SOX5: variants seen among roughly 807,000 people sequenced by gnomAD.
SOX5 encodes transcription factor SOX-5.
A neutral mutation model predicts 92.0 loss-of-function variants in SOX5; 9 were observed. The ratio of observed to expected loss-of-function variants is 0.10; its 90% CI spans 0.06 to 0.17. The LOEUF (loss-of-function observed/expected upper bound fraction) is 0.17. Ranked by LOEUF, SOX5 falls within the 10% of genes least tolerant of loss-of-function variation. SOX5 has a pLI of 1.00. For synonymous variants in SOX5, 344 were observed against 336.3 expected, an observed-to-expected ratio of 1.02 and a Z score of -0.25; for missense variants, 642 against 944.5, an observed-to-expected ratio of 0.68 and a Z score of 4.20.
At chr12:24,523,686 A>T (rs1157631560) in intron 1 of SOX5, among the ~76,000 whole-genome samples, 1 of 152,220 alleles carries the variant, frequency 6.6e-6, no homozygotes, top group Non-Finnish European at 1.5e-5. Flanking sequence ...CTGGATATTC[A>T]TAGGCAAAAG....
At chr12:24,246,908 A>G (rs779346682) in intron 3 of SOX5, among the ~76,000 whole-genome samples, 5 of 152,186 alleles carry the variant, frequency 3.3e-5, no homozygotes, top group Admixed American at 6.5e-5. Flanking sequence ...TTTATGAAAC[A>G]GTCATACAAA....
intron 1 of SOX5, among the ~76,000 whole-genome samples, chr12:24,401,763 G>C (rs1266922722): frequency 1.5e-5 from 2 of 131,044 alleles, no homozygotes; most frequent in East Asian, 4.6e-4. Flanking sequence ...TTCACTTAAA[G>C]TACTTACATA....
At chr12:23,625,270 C>T (rs1023307709) in intron 8 of SOX5, among the ~76,000 whole-genome samples, 2 of 152,172 alleles carry the variant, frequency 1.3e-5, no homozygotes, top group African/African-American at 2.4e-5. Flanking sequence ...ACACTTCCTT[C>T]CCAATCTCTG....
chr12:24,557,136 A>G (rs1187573911), intron 1 of SOX5, among the ~76,000 whole-genome samples: 1 of 152,124 alleles, frequency 6.6e-6, no homozygotes. Context: ...CACGCTTGTA[A>G]TCCCAGCACT....
intron 2 of SOX5, among the ~76,000 whole-genome samples, chr12:23,864,307 T>C (rs1427757762): frequency 6.6e-6 from 1 of 152,102 alleles, no homozygotes; most frequent in East Asian, 1.9e-4. Context: ...AGACACAATA[T>C]TGAAATTAGG....
intron 1 of SOX5, among the ~76,000 whole-genome samples, chr12:23,931,565 G>C (rs192544213): frequency 6.6e-6 from 1 of 151,838 alleles, no homozygotes; most frequent in African/African-American, 2.4e-5. Flanking sequence ...TCACTCCATA[G>C]ATCTTGAAAT....
intron 4 of SOX5, among the ~76,000 whole-genome samples, chr12:23,746,863 G>T (rs1364253368): frequency 6.6e-6 from 1 of 151,998 alleles, no homozygotes; most frequent in Non-Finnish European, 1.5e-5. Flanking sequence ...TAATCATGGG[G>T]GTGGGTCTTT....
upstream of SOX5, chr12:23,951,068 G>A (rs1451382181): frequency 6.0e-6 from 3 of 496,778 alleles, no homozygotes; most frequent in Non-Finnish European, 1.1e-5. Flanking sequence ...CTACATTACA[G>A]AGCCCGCCCC....
intron 1 of SOX5, among the ~76,000 whole-genome samples, chr12:23,899,583 T>A (rs916651042): frequency 3.3e-5 from 5 of 152,140 alleles, no homozygotes; most frequent in Non-Finnish European, 7.3e-5. Flanking sequence ...GGCTTACCAA[T>A]GAACAAAACT....
intron 6 of SOX5, among the ~76,000 whole-genome samples, chr12:23,690,831 G>A (rs1312123463): frequency 6.6e-6 from 1 of 152,090 alleles, no homozygotes; most frequent in Non-Finnish European, 1.5e-5. Flanking sequence ...CACTGTACCT[G>A]CAATTTACCT....
intron 6 of SOX5, among the ~76,000 whole-genome samples, chr12:23,686,274 A>G (rs1439663342): frequency 2.0e-5 from 3 of 152,212 alleles, no homozygotes; most frequent in Admixed American, 6.5e-5. Flanking sequence ...TATCCTTGCC[A>G]CTTCCTGGTT....
At chr12:24,127,670 C>A (rs968545121) in intron 4 of SOX5, among the ~76,000 whole-genome samples, 1 of 152,064 alleles carries the variant, frequency 6.6e-6, no homozygotes, top group Non-Finnish European at 1.5e-5. Context: ...CATTTTTAAA[C>A]CTTCTTAGTG....
rs576979431 is a variant in SOX5, at chr12:24,560,218, T to C, written c.-251+2111A>G. 3.5e-4 allele frequency among the ~76,000 whole-genome samples: 54 copies of C among 152,300 alleles called. No individual in the cohort carries two copies. The East Asian group carries it at 9.6e-3, about 27-fold the overall frequency. On this transcript the variant is annotated intron_variant, in intron 1 of 4. Transcript: ENST00000446891. ...AGAATTTCAAGCAAGTATGCTACTA[T>C]GTAATTAACACAAATAACTAAATAA...
At position 24,475,993 on chromosome 12, in the gene SOX5, T is replaced by TAA. The variant is rs71450741; in HGVS notation, c.-251+86334_-251+86335dup. 1.5e-3 allele frequency among the ~76,000 whole-genome samples: 133 copies of TAA among 86,110 alleles called. 1 individual carries two copies. Among genetic ancestry groups the TAA allele is most frequent in the Middle Eastern group, 6.4e-3 (1 of 156 alleles). The allele number at this position is 86,110 out of a possible 152,430, so 56.5% of individuals were successfully genotyped here. ...CAAGACCCTGTCTCCGAAATACATT[T>TAA]AAAAAAAAAAAAAAAAAAAAAGCAG... is the stretch of plus-strand genomic sequence containing the variant. On this transcript the variant is annotated intron_variant, in intron 1 of 4. Transcript: ENST00000446891.
At chr12:24,000,986 T>C (rs1951547343) in intron 4 of SOX5, among the ~76,000 whole-genome samples, 2 of 152,168 alleles carry the variant, frequency 1.3e-5, no homozygotes, top group Admixed American at 6.6e-5. Context: ...TACATACTAT[T>C]TTCAAGAATA....
Position 23,834,515 on chromosome 12 carries a change from A to G in SOX5, c.481+11468T>C, listed in dbSNP as rs186013460. On this transcript the variant is annotated intron_variant, in intron 3 of 14. Coordinates refer to ENST00000451604, the MANE Select transcript of SOX5 (RefSeq NM_006940.6). ...TTGAAGATTACATGAAACAGCCCAC[A>G]TTAACACCTGGCAGGAGAGTTGGAC... 3.1e-3 allele frequency among the ~76,000 whole-genome samples: 477 copies of G among 152,036 alleles called. 3 individuals carry two copies. The highest frequency in any genetic ancestry group is 0.011 in the African/African-American group (471 of 41,540).
chr12:24,062,252 T>C (rs1219616540), intron 4 of SOX5, among the ~76,000 whole-genome samples: 3 of 152,352 alleles, frequency 2.0e-5, no homozygotes, highest in Non-Finnish European at 1.5e-5. Flanking sequence ...GGCTGCTCCA[T>C]TGCAGAGCTA....
chr12:24,304,720 T>G (rs1948379896), intron 2 of SOX5, among the ~76,000 whole-genome samples: 1 of 152,158 alleles, frequency 6.6e-6, no homozygotes, highest in African/African-American at 2.4e-5. Context: ...TCCCCCAATT[T>G]ACTCATCATT....
At chr12:24,477,608 T>C (rs1358065350) in intron 1 of SOX5, among the ~76,000 whole-genome samples, 2 of 152,152 alleles carry the variant, frequency 1.3e-5, no homozygotes, top group Non-Finnish European at 2.9e-5. Flanking sequence ...TACTGTAGAA[T>C]AATGGCATTT....
Sources: allele counts gnomAD v4.1 joint callset (sites outside exome capture counted in the v4.1 genomes callset), GRCh38; gene constraint gnomAD v4.1.1; transcripts MANE v1.5; gene names NCBI Gene and HGNC (gene_info 2026-07-23, HGNC 2026-07-21).